XKR6: variants seen among roughly 807,000 people sequenced by gnomAD.
The protein encoded by XKR6 is XK-related protein 6.
A neutral mutation model predicts 56.7 loss-of-function variants in XKR6; 22 were observed. The ratio of observed to expected loss-of-function variants is 0.39; its 90% CI spans 0.28 to 0.55. XKR6 has a LOEUF of 0.55. Among genes scored for constraint, XKR6 ranks in the 20% least tolerant of loss-of-function variants. XKR6 has a pLI of 0.66. For synonymous variants in XKR6, 524 were observed against 387.8 expected (o/e 1.35, Z -4.13); for missense variants, 852 against 889.0 (o/e 0.96, Z 0.53).
At chr8:11,035,194 A>G in intron 1 of XKR6, 1 of 534,752 alleles carries the variant, frequency 1.9e-6, no homozygotes, top group South Asian at 1.4e-5. Flanking sequence ...GGTGCAAGCT[A>G]TCTGGTGGCT....
At chr8:11,057,306 G>A (rs943090376) in intron 1 of XKR6, among the ~76,000 whole-genome samples, 1 of 152,072 alleles carries the variant, frequency 6.6e-6, no homozygotes, top group African/African-American at 2.4e-5. Flanking sequence ...GGTATTCTCT[G>A]TCTCCCTCCC....
chr8:10,993,075 T>C (rs922141479), intron 1 of XKR6, among the ~76,000 whole-genome samples: 2 of 152,234 alleles, frequency 1.3e-5, no homozygotes, highest in Middle Eastern at 3.2e-3. Flanking sequence ...TAAAAGTGTA[T>C]ATGTGTGTGT....
intron 1 of XKR6, among the ~76,000 whole-genome samples, chr8:11,102,927 G>C (rs572922776): frequency 6.6e-6 from 1 of 152,294 alleles, no homozygotes; most frequent in African/African-American, 2.4e-5. Flanking sequence ...TCAACCTCAT[G>C]AGGAAAGACA....
chr8:10,955,234 A>T (rs1204169996), intron 1 of XKR6, among the ~76,000 whole-genome samples: 1 of 151,986 alleles, frequency 6.6e-6, no homozygotes, highest in Non-Finnish European at 1.5e-5. Context: ...ACAGCCTACA[A>T]TGATTGCTGC....
intron 1 of XKR6, among the ~76,000 whole-genome samples, chr8:11,122,445 G>A (rs57308044): frequency 0.021 from 3,257 of 152,360 alleles, 109 homozygotes; most frequent in African/African-American, 0.074. Flanking sequence ...TGTCAGCATG[G>A]CTAGATTTTG....
intron 2 of XKR6, 114 bp from the exon 3 acceptor site, chr8:10,899,030 A>T: frequency 6.9e-7 from 1 of 1,449,556 alleles, no homozygotes; most frequent in African/African-American, 1.4e-5. Flanking sequence ...AGGAGGAGGG[A>T]GAAAGAAACA....
At chr8:11,092,490 C>A (rs1238498062) in intron 1 of XKR6, among the ~76,000 whole-genome samples, 2 of 152,120 alleles carry the variant, frequency 1.3e-5, no homozygotes, top group East Asian at 3.9e-4. Flanking sequence ...AGGACCCTGG[C>A]TGGAAAGATC....
intron 1 of XKR6, among the ~76,000 whole-genome samples, chr8:11,168,126 C>T (rs189175404): frequency 2.0e-5 from 3 of 152,200 alleles, no homozygotes; most frequent in African/African-American, 4.8e-5. Context: ...TTTTCAAACA[C>T]CCCATTTTCA....
At chr8:11,002,364 G>A (rs1416428446) in intron 1 of XKR6, 2 of 302,510 alleles carry the variant, frequency 6.6e-6, no homozygotes, top group Non-Finnish European at 1.4e-5. Flanking sequence ...GACCTTTGCA[G>A]GGGAAGGCTC....
intron 1 of XKR6, among the ~76,000 whole-genome samples, chr8:11,103,778 G>A (rs1798575220): frequency 6.6e-6 from 1 of 152,118 alleles, no homozygotes; most frequent in Non-Finnish European, 1.5e-5. Context: ...ACTGCAAATC[G>A]ACACAATTTT....
intron 1 of XKR6, chr8:11,123,579 A>G: frequency 3.5e-6 from 1 of 287,072 alleles, no homozygotes; most frequent in Non-Finnish European, 6.9e-6. Flanking sequence ...AGAAATAATC[A>G]TAATGGATAT....
intron 1 of XKR6, among the ~76,000 whole-genome samples, chr8:11,040,744 C>A (rs192394506): frequency 9.9e-5 from 15 of 152,248 alleles, no homozygotes; most frequent in African/African-American, 3.1e-4. Context: ...ACTGATCGCC[C>A]CCCAAACCCC....
chr8:11,180,438 G>T (rs1166297760), intron 1 of XKR6, among the ~76,000 whole-genome samples: 3 of 152,196 alleles, frequency 2.0e-5, no homozygotes, highest in African/African-American at 7.2e-5. Flanking sequence ...CTACCAACTA[G>T]ATGCCAGTAG....
chr8:10,971,356 GC>G (rs1802404608), intron 1 of XKR6, among the ~76,000 whole-genome samples: 1 of 152,020 alleles, frequency 6.6e-6, no homozygotes, highest in Non-Finnish European at 1.5e-5. Context: ...AGGAGGCGGA[GC>G]TTGCAGTGAG....
chr8:11,014,039 G>C (rs941253839), intron 1 of XKR6, among the ~76,000 whole-genome samples: 1 of 152,232 alleles, frequency 6.6e-6, no homozygotes, highest in African/African-American at 2.4e-5. Flanking sequence ...GGCCAGAAGG[G>C]ATTTGTTAGG....
At chr8:11,047,605 T>A (rs935153324) in intron 1 of XKR6, among the ~76,000 whole-genome samples, 1 of 152,180 alleles carries the variant, frequency 6.6e-6, no homozygotes, top group African/African-American at 2.4e-5. Context: ...GAATGAGGGT[T>A]GCCAGGGGCT....
chr8:10,941,546 GTC>G (rs1307106157), intron 1 of XKR6, among the ~76,000 whole-genome samples: 1 of 152,226 alleles, frequency 6.6e-6, no homozygotes, highest in Non-Finnish European at 1.5e-5. Flanking sequence ...CCCGCAGGCA[GTC>G]TCTGAGCCTG....
intron 1 of XKR6, among the ~76,000 whole-genome samples, chr8:11,005,107 TAA>T (rs1388724224): frequency 1.3e-5 from 2 of 152,074 alleles, no homozygotes; most frequent in Non-Finnish European, 2.9e-5. Flanking sequence ...CTATATATAC[TAA>T]GTTTTTTTCT....
chr8:10,898,415 A>G lies in XKR6; in HGVS notation c.1463T>C (p.Ile488Thr). The change falls in exon 3 of 3, where the codon ATC becomes ACC. Residue 488 changes from isoleucine (I) to threonine (T), a missense_variant. Physicochemically the swap from Ile to Thr is moderately conservative, Grantham distance 89. Around this residue, in one of 4 missense-constraint regions of XKR6, gnomAD observed 197 missense variants for 190.9 expected, o/e 1.03. Transcript: ENST00000416569. This position sits in a 1 kb window ranked among gnomAD's most constrained non-coding sequence, Gnocchi z 6.6. ...CCVFISFVAG[I>T]AMMLLYYGVL... ...GCCATAGTATAAGAGCATCATTGCGATCCCAGCCACAAAGCTAATAAAGAC... is the reference window on the plus strand; with the variant it reads ...GCCATAGTATAAGAGCATCATTGCGGTCCCAGCCACAAAGCTAATAAAGAC... 1 of 1,614,074 alleles carries G rather than the reference A, an allele frequency of 6.2e-7. No individual in the cohort carries two copies. Among genetic ancestry groups the G allele is most frequent in the East Asian group, 2.2e-5 (1 of 44,878 alleles).
Sources: gnomAD v4.1 joint callset for allele counts (sites outside exome capture counted in the v4.1 genomes callset) on GRCh38, gnomAD v4.1.1 for gene constraint, gnomAD v4.1.1 regional missense constraint, Gnocchi (gnomAD v3.1) non-coding constraint, MANE v1.5 for transcripts, NCBI Gene and HGNC (gene_info 2026-07-23, HGNC 2026-07-21) for gene names.